The following CYRIB variants were observed in gnomAD, a reference collection of about 807,000 sequenced individuals.
CYRIB encodes the protein CYFIP related Rac1 interactor B, also known as CYFIP-related Rac1 interactor B.
A neutral mutation model predicts 44.2 loss-of-function variants in CYRIB; 8 were observed. The observed-to-expected ratio is 0.18, with a 90% CI of 0.11 to 0.33. CYRIB has a LOEUF of 0.33. Among genes scored for constraint, CYRIB ranks in the 10% least tolerant of loss-of-function variants. The pLI, the probability that CYRIB is intolerant of heterozygous loss-of-function variation, is 1.00. For missense variants in CYRIB, 185 were observed against 382.8 expected, an observed-to-expected ratio of 0.48 and a Z score of 4.31; for synonymous variants, 131 against 127.2, an observed-to-expected ratio of 1.03 and a Z score of -0.20.
intron 1 of CYRIB, among the ~76,000 whole-genome samples, chr8:130,005,548 G>C (rs555548782): frequency 6.6e-6 from 1 of 152,032 alleles, no homozygotes; most frequent in African/African-American, 2.4e-5. Context: ...TTCCACCTTC[G>C]ACTGGAATCA....
chr8:129,924,297 G>GT (rs2085963027), intron 1 of CYRIB, among the ~76,000 whole-genome samples: 4 of 98,720 alleles, frequency 4.1e-5, no homozygotes, highest in Admixed American at 2.0e-4. Flanking sequence ...AAACCGGGGG[G>GT]GGGGGGGGTG....
intron 2 of CYRIB, among the ~76,000 whole-genome samples, chr8:129,888,488 T>C (rs1452426372): frequency 6.6e-6 from 1 of 152,226 alleles, no homozygotes; most frequent in Non-Finnish European, 1.5e-5. Context: ...TACTCTCCAC[T>C]GCACACATGC....
At chr8:129,862,470 G>T in intron 4 of CYRIB, 136 bp from the exon 7 acceptor site, 1 of 731,556 alleles carries the variant, frequency 1.4e-6, no homozygotes. Flanking sequence ...ATCTAGGAGT[G>T]TTGAATATTT....
At chr8:129,993,547 A>G (rs768794547) in intron 1 of CYRIB, among the ~76,000 whole-genome samples, 3 of 151,100 alleles carry the variant, frequency 2.0e-5, no homozygotes, top group Non-Finnish European at 2.9e-5. Context: ...AAATACAAAA[A>G]TTAGTCAGGT....
At chr8:129,981,885 C>T (rs1395769028) in intron 1 of CYRIB, among the ~76,000 whole-genome samples, 1 of 152,208 alleles carries the variant, frequency 6.6e-6, no homozygotes, top group African/African-American at 2.4e-5. Context: ...CGACCACTGT[C>T]CCCCTCTCTC....
chr8:129,942,282 T>C (rs905472284), upstream of CYRIB, among the ~76,000 whole-genome samples: 1 of 152,228 alleles, frequency 6.6e-6, no homozygotes, highest in African/African-American at 2.4e-5. Flanking sequence ...AAGGTTGCAG[T>C]TAGCTGAGAT....
At chr8:129,876,040 G>C (rs1469749310) in intron 3 of CYRIB, among the ~76,000 whole-genome samples, 1 of 151,754 alleles carries the variant, frequency 6.6e-6, no homozygotes, top group Non-Finnish European at 1.5e-5. Context: ...CTTGAACCCA[G>C]AAGTGGAGAA....
intron 1 of CYRIB, among the ~76,000 whole-genome samples, chr8:129,989,256 G>A (rs751810383): frequency 3.9e-5 from 6 of 152,114 alleles, no homozygotes; most frequent in Non-Finnish European, 7.4e-5. Flanking sequence ...CCTTCCAGGC[G>A]TTAGACTTTC....
chr8:129,933,648 C>T (rs548906060), intron 1 of CYRIB, among the ~76,000 whole-genome samples: 3 of 152,170 alleles, frequency 2.0e-5, no homozygotes, highest in South Asian at 2.1e-4. Flanking sequence ...GAGGCCGAGG[C>T]GGGCTGATCA....
chr8:129,991,866 G>T (rs1031469768), intron 1 of CYRIB, among the ~76,000 whole-genome samples: 1 of 139,876 alleles, frequency 7.1e-6, no homozygotes, highest in Non-Finnish European at 1.5e-5. Flanking sequence ...CAGGAGAATC[G>T]CTTGAACCTG....
At chr8:129,946,200 T>C (rs1296706350) in intron 2 of CYRIB, among the ~76,000 whole-genome samples, 1 of 152,226 alleles carries the variant, frequency 6.6e-6, no homozygotes, top group African/African-American at 2.4e-5. Flanking sequence ...ATTTTTTAGA[T>C]CCTGATTTGT....
chr8:129,912,977 T>TTC (rs1469031249), intron 1 of CYRIB, among the ~76,000 whole-genome samples: 3 of 150,238 alleles, frequency 2.0e-5, no homozygotes, highest in African/African-American at 4.9e-5. Flanking sequence ...TTCACTTTTT[T>TTC]TTTTTTTTTT....
At chr8:129,998,615 A>G (rs1365621583) in intron 1 of CYRIB, among the ~76,000 whole-genome samples, 1 of 151,870 alleles carries the variant, frequency 6.6e-6, no homozygotes, top group Non-Finnish European at 1.5e-5. Flanking sequence ...TGGCTTTGCA[A>G]TGTCTTAAGG....
intron 1 of CYRIB, among the ~76,000 whole-genome samples, chr8:129,988,153 C>A (rs1252548923): frequency 6.6e-6 from 1 of 152,218 alleles, no homozygotes; most frequent in African/African-American, 2.4e-5. Context: ...TCTCCTGTAA[C>A]AGGAAGTCTC....
chr8:129,915,860 T>A (rs2080476265), intron 1 of CYRIB, among the ~76,000 whole-genome samples: 1 of 152,008 alleles, frequency 6.6e-6, no homozygotes. Flanking sequence ...ATGCCTAGAG[T>A]CTCCAGAAGA....
At chr8:129,849,011 T>C (rs951988698) in intron 10 of CYRIB, among the ~76,000 whole-genome samples, 1 of 152,220 alleles carries the variant, frequency 6.6e-6, no homozygotes, top group African/African-American at 2.4e-5. Flanking sequence ...GTAGAAGCCT[T>C]CCAGGAGGTA....
chr8:129,868,165 T>C (rs1324611136), intron 4 of CYRIB, among the ~76,000 whole-genome samples: 1 of 152,184 alleles, frequency 6.6e-6, no homozygotes, highest in Admixed American at 6.5e-5. Context: ...ATATTCATCT[T>C]TTATTTGTAC....
At chr8:129,914,963 A>G (rs985826141) in intron 1 of CYRIB, among the ~76,000 whole-genome samples, 2 of 152,208 alleles carry the variant, frequency 1.3e-5, no homozygotes, top group African/African-American at 4.8e-5. Context: ...GCTCAACACC[A>G]TCGGGCACTA....
intron 2 of CYRIB, among the ~76,000 whole-genome samples, chr8:129,900,828 C>A (rs116982236): frequency 6.6e-6 from 1 of 152,100 alleles, no homozygotes; most frequent in Non-Finnish European, 1.5e-5. Context: ...TACAGGTGCG[C>A]ACAACCATGC....
Sources: gnomAD v4.1 joint callset for allele counts (sites outside exome capture counted in the v4.1 genomes callset) on GRCh38, gnomAD v4.1.1 for gene constraint, MANE v1.5 for transcripts, NCBI Gene and HGNC (gene_info 2026-07-23, HGNC 2026-07-21) for gene names.